TTLL11: variants seen among roughly 807,000 people sequenced by gnomAD.
TTLL11 encodes the protein tubulin polyglutamylase TTLL11.
A neutral mutation model predicts 51.7 loss-of-function variants in TTLL11; 42 were observed. The observed-to-expected ratio is 0.81, with a 90% CI of 0.64 to 1.05. The LOEUF (loss-of-function observed/expected upper bound fraction) is 1.05, where lower values mean the gene tolerates loss of function less well. TTLL11 is among the 50% of genes least tolerant of loss of function. The pLI is 0.00. For synonymous variants in TTLL11, 381 were observed against 383.5 expected, an observed-to-expected ratio of 0.99 and a Z score of 0.08; for missense variants, 799 against 940.4, an observed-to-expected ratio of 0.85 and a Z score of 1.97.
In TTLL11 at chr9:121,995,954, C is replaced by T. The variant is rs975528640; in HGVS notation, c.694-6184G>A. Among the ~76,000 whole-genome samples, 1 of 152,174 alleles carries T rather than the reference C, an allele frequency of 6.6e-6. No individual in the cohort carries two copies. The highest frequency in any genetic ancestry group is 2.1e-4 in the South Asian group (1 of 4,828). ...ACGGGCCCGTGAGAAGTAGTGCCTG[C>T]CACTGTGCAGGCAAACATTTTCAGC... On this transcript the variant is annotated intron_variant, in intron 3 of 8. Transcript: ENST00000321582. This position sits in a 1 kb window ranked among gnomAD's most constrained non-coding sequence, Gnocchi z 4.4.
chr9:122,042,293 G>T (rs558973443), intron 1 of TTLL11, among the ~76,000 whole-genome samples: 6 of 151,886 alleles, frequency 4.0e-5, no homozygotes, highest in African/African-American at 9.7e-5. Flanking sequence ...GAGTCACTGC[G>T]CCCAGGCTGG....
At chr9:121,988,935 C>T (rs1843011264) in intron 4 of TTLL11, 1 of 717,478 alleles carries the variant, frequency 1.4e-6, no homozygotes, top group African/African-American at 1.8e-5. Context: ...TCATTTAATT[C>T]TTACAAGAAC....
At chr9:121,917,469 G>A (rs945289188) in intron 6 of TTLL11, among the ~76,000 whole-genome samples, 2 of 59,830 alleles carry the variant, frequency 3.3e-5, no homozygotes, top group Non-Finnish European at 6.6e-5. Context: ...GCAAGACACT[G>A]TTGAAAGAAA....
intron 4 of TTLL11, among the ~76,000 whole-genome samples, chr9:121,986,931 A>C (rs1277720591): frequency 6.6e-6 from 1 of 152,026 alleles, no homozygotes; most frequent in Non-Finnish European, 1.5e-5. Flanking sequence ...TCACAATGGA[A>C]TCTATAACAG....
intron 4 of TTLL11, among the ~76,000 whole-genome samples, chr9:121,984,492 CTA>C (rs1159414214): frequency 6.6e-6 from 1 of 152,062 alleles, no homozygotes; most frequent in Non-Finnish European, 1.5e-5. Flanking sequence ...GAAGCTGAGA[CTA>C]AGAATTGTTA....
chr9:122,073,030 C>T (rs1379895135), intron 1 of TTLL11, among the ~76,000 whole-genome samples: 2 of 152,142 alleles, frequency 1.3e-5, no homozygotes, highest in African/African-American at 2.4e-5. Context: ...CTGATTATAT[C>T]GTCTATCAGG....
chr9:122,092,066 G>A (rs1291013451), intron 1 of TTLL11, among the ~76,000 whole-genome samples: 5 of 152,282 alleles, frequency 3.3e-5, no homozygotes, highest in Middle Eastern at 6.8e-3. Context: ...AGGTGGTAAC[G>A]TAAGTTACCA....
At chr9:121,892,225 T>A (rs1839272365) in intron 6 of TTLL11, among the ~76,000 whole-genome samples, 1 of 149,482 alleles carries the variant, frequency 6.7e-6, no homozygotes, top group Admixed American at 6.7e-5. Context: ...TATATATATA[T>A]AATCTTCCAA....
chr9:121,877,312 T>C (rs184271666), intron 6 of TTLL11, among the ~76,000 whole-genome samples: 21 of 152,320 alleles, frequency 1.4e-4, no homozygotes. Flanking sequence ...TAAACTTTAC[T>C]GTATAGCCCA....
chr9:121,924,051 A>C (rs1165224283), intron 6 of TTLL11, among the ~76,000 whole-genome samples: 1 of 152,124 alleles, frequency 6.6e-6, no homozygotes, highest in Non-Finnish European at 1.5e-5. Flanking sequence ...TTCCACCATG[A>C]TTGTGAGGCT....
At chr9:121,840,486 A>G (rs754856754) in intron 8 of TTLL11, among the ~76,000 whole-genome samples, 20 of 152,104 alleles carry the variant, frequency 1.3e-4, no homozygotes, top group Non-Finnish European at 2.6e-4. Flanking sequence ...ACCTCTACCT[A>G]CCAGGTTCAA....
intron 6 of TTLL11, among the ~76,000 whole-genome samples, chr9:121,927,272 T>G (rs1170039753): frequency 1.3e-5 from 2 of 152,234 alleles, no homozygotes; most frequent in Non-Finnish European, 2.9e-5. Flanking sequence ...CAGCACAGCA[T>G]CTGACACATA....
intron 8 of TTLL11, among the ~76,000 whole-genome samples, chr9:121,847,132 C>T (rs1460724924): frequency 6.6e-6 from 1 of 150,906 alleles, no homozygotes; most frequent in Non-Finnish European, 1.5e-5. Context: ...ATGGCGTGAA[C>T]CCGGGAGGCG....
In TTLL11 at chr9:121,949,378, C is replaced by G. The variant is rs78376785; in HGVS notation, c.1481+24631G>C. ...CTATGATGGCACTAAGTTAAAACCT[C>G]TAAGACAAACTCGTTGTCTTAGACG... On this transcript the variant is annotated intron_variant, in intron 6 of 8. Coordinates refer to ENST00000321582, the MANE Select transcript of TTLL11 (RefSeq NM_001139442.2). Among the ~76,000 whole-genome samples, 1,518 of 152,292 alleles carry G rather than the reference C, an allele frequency of 1.0e-2. 24 individuals are homozygous for G. The highest frequency in any genetic ancestry group is 0.035 in the African/African-American group (1,465 of 41,560).
intron 6 of TTLL11, chr9:121,885,194 A>G (rs1355735386): frequency 3.9e-5 from 6 of 152,204 alleles, no homozygotes; most frequent in Non-Finnish European, 7.3e-5. Context: ...CAGGATGAAG[A>G]TAATACATCC....
At chr9:121,988,928 T>C (rs1223951469) in intron 4 of TTLL11, 1 of 678,688 alleles carries the variant, frequency 1.5e-6, no homozygotes, top group East Asian at 2.8e-5. Flanking sequence ...TGTTATCTCA[T>C]TTAATTCTTA....
At chr9:122,080,478 T>G (rs76809090) in intron 1 of TTLL11, among the ~76,000 whole-genome samples, 7,747 of 150,384 alleles carry the variant, frequency 0.052, 414 homozygotes, top group Admixed American at 0.12. Context: ...AGGCCAAGAG[T>G]TCAAGACCAG....
intron 3 of TTLL11, among the ~76,000 whole-genome samples, chr9:122,016,881 AAC>A (rs1844001031): frequency 6.6e-6 from 1 of 152,150 alleles, no homozygotes; most frequent in African/African-American, 2.4e-5. Flanking sequence ...ATGCAAAATA[AAC>A]TCTAAGGAAT....
chr9:121,914,484 T>C (rs1300740315), intron 6 of TTLL11, among the ~76,000 whole-genome samples: 1 of 152,212 alleles, frequency 6.6e-6, no homozygotes, highest in Non-Finnish European at 1.5e-5. Context: ...TTAAAATCTG[T>C]AGGCAGGGCC....
Sources: allele counts gnomAD v4.1 joint callset (sites outside exome capture counted in the v4.1 genomes callset), GRCh38; gene constraint gnomAD v4.1.1; non-coding constraint Gnocchi (gnomAD v3.1); transcripts MANE v1.5; gene names NCBI Gene and HGNC (gene_info 2026-07-23, HGNC 2026-07-21).